The following CAST variants were observed in gnomAD, a reference collection of about 807,000 sequenced individuals.
CAST encodes calpastatin.
Under a neutral mutation model 119.6 loss-of-function variants are expected in CAST, and 76 were observed. That is an observed-to-expected ratio of 0.64 (90% CI 0.53 to 0.77). The LOEUF (loss-of-function observed/expected upper bound fraction) is 0.77. Among genes scored for constraint, CAST ranks in the 30% least tolerant of loss-of-function variants. The probability of loss-of-function intolerance (pLI) is 0.00; values close to 1 mark genes in which losing one functional copy is unlikely to be tolerated. For synonymous variants in CAST, 319 were observed against 331.6 expected (o/e 0.96, Z 0.41); for missense variants, 953 against 946.5 (o/e 1.01, Z -0.09).
the CAST span, among the ~76,000 whole-genome samples, chr5:96,022,981 T>A: frequency 8.5e-5 from 13 of 152,216 alleles, no homozygotes; most frequent in Admixed American, 1.3e-4. Context: ...AACACCTAGA[T>A]TAGTGTTTGA....
At chr5:96,486,852 T>A in the CAST span, among the ~76,000 whole-genome samples, 1 of 152,298 alleles carries the variant, frequency 6.6e-6, no homozygotes, top group East Asian at 1.9e-4. Context: ...GGTTATCATA[T>A]CATATCTATG....
At chr5:96,242,640 C>T in the CAST span, among the ~76,000 whole-genome samples, 2 of 152,176 alleles carry the variant, frequency 1.3e-5, no homozygotes, top group African/African-American at 4.8e-5. Context: ...ACTGAAACTC[C>T]TCCAGGTTTC....
intron 1 of CAST, among the ~76,000 whole-genome samples, chr5:96,587,414 G>C (rs1746880188): frequency 6.6e-6 from 1 of 152,198 alleles, no homozygotes; most frequent in Non-Finnish European, 1.5e-5. Flanking sequence ...GACTAATGCA[G>C]GATAGTCATG....
the CAST span, among the ~76,000 whole-genome samples, chr5:96,226,639 A>G: frequency 6.6e-6 from 1 of 152,150 alleles, no homozygotes; most frequent in Non-Finnish European, 1.5e-5. Flanking sequence ...CCTGGGTGAC[A>G]GAGTGAGACC....
the CAST span, among the ~76,000 whole-genome samples, chr5:96,378,588 C>T: frequency 1.3e-5 from 2 of 152,102 alleles, no homozygotes; most frequent in Admixed American, 1.3e-4. Context: ...AGTTTATTAT[C>T]CCATTGTGTG....
At chr5:96,432,020 C>A in the CAST span, 1 of 1,201,956 alleles carries the variant, frequency 8.3e-7, no homozygotes, top group Non-Finnish European at 1.2e-6. Context: ...AGCTACCTAT[C>A]GACCAAGCCT....
the CAST span, among the ~76,000 whole-genome samples, chr5:96,461,915 C>G: frequency 6.6e-6 from 1 of 152,104 alleles, no homozygotes; most frequent in Non-Finnish European, 1.5e-5. Context: ...CCAACGCTGA[C>G]TGTAACTGCT....
chr5:96,591,942 G>T (rs1229487408), intron 1 of CAST, among the ~76,000 whole-genome samples: 7 of 152,298 alleles, frequency 4.6e-5, no homozygotes, highest in African/African-American at 1.7e-4. Flanking sequence ...GTACAGGTGG[G>T]TGTATGAGAA....
the CAST span, among the ~76,000 whole-genome samples, chr5:96,119,034 T>A: frequency 1.3e-5 from 2 of 152,158 alleles, no homozygotes; most frequent in African/African-American, 4.8e-5. Flanking sequence ...TTGCTCTAAA[T>A]GCATGCATCA....
the CAST span, among the ~76,000 whole-genome samples, chr5:96,498,371 T>G: frequency 6.6e-6 from 1 of 152,236 alleles, no homozygotes; most frequent in Non-Finnish European, 1.5e-5. Context: ...ATATGAACTT[T>G]AAAGTAGTTT....
At chr5:96,196,141 G>A in the CAST span, among the ~76,000 whole-genome samples, 16 of 152,090 alleles carry the variant, frequency 1.1e-4, no homozygotes, top group East Asian at 3.1e-3. Flanking sequence ...ACCATTAATG[G>A]AAGGCTGGGA....
At chr5:96,295,959 AT>A in the CAST span, among the ~76,000 whole-genome samples, 1 of 152,232 alleles carries the variant, frequency 6.6e-6, no homozygotes, top group Non-Finnish European at 1.5e-5. Flanking sequence ...TAAATGTGGT[AT>A]TATAGAAGAT....
At chr5:96,151,904 G>A in the CAST span, among the ~76,000 whole-genome samples, 1 of 152,196 alleles carries the variant, frequency 6.6e-6, no homozygotes, top group Admixed American at 6.5e-5. Context: ...CTTGCCCTCT[G>A]TTCTAAGCTC....
At chr5:95,995,391 A>T in the CAST span, among the ~76,000 whole-genome samples, 2 of 152,102 alleles carry the variant, frequency 1.3e-5, no homozygotes, top group African/African-American at 4.8e-5. Flanking sequence ...AAACTTTAAT[A>T]TGATTCATGT....
upstream of CAST, chr5:96,529,798 CA>C (rs1561407515): frequency 6.9e-6 from 3 of 436,918 alleles, no homozygotes; most frequent in East Asian, 1.6e-4. Flanking sequence ...GCTGGGCATT[CA>C]TTCTGTCTTT....
At chr5:96,511,535 T>C in the CAST span, among the ~76,000 whole-genome samples, 10 of 152,332 alleles carry the variant, frequency 6.6e-5, no homozygotes, top group South Asian at 2.1e-3. Flanking sequence ...CAGCTATTTC[T>C]GCATGCCACC....
chr5:96,484,092 A>T, the CAST span, among the ~76,000 whole-genome samples: 1 of 152,254 alleles, frequency 6.6e-6, no homozygotes, highest in Non-Finnish European at 1.5e-5. Context: ...CACCTGTTTA[A>T]TAAGTCTGTA....
chr5:96,647,872 A>G (rs1314449413), intron 1 of CAST, among the ~76,000 whole-genome samples: 1 of 152,144 alleles, frequency 6.6e-6, no homozygotes, highest in African/African-American at 2.4e-5. Context: ...ACCTAGTTTG[A>G]AGCTGTTTGT....
the CAST span, among the ~76,000 whole-genome samples, chr5:96,021,920 C>T: frequency 8.5e-5 from 13 of 152,246 alleles, no homozygotes; most frequent in East Asian, 1.9e-4. Context: ...ATTCCACATC[C>T]GTGGATTCAA....
Sources: gnomAD v4.1 joint callset for allele counts (sites outside exome capture counted in the v4.1 genomes callset) on GRCh38, gnomAD v4.1.1 for gene constraint, MANE v1.5 for transcripts, NCBI Gene and HGNC (gene_info 2026-07-23, HGNC 2026-07-21) for gene names.